Variants in UNC80 observed in about 807,000 individuals in gnomAD.
UNC80 encodes the protein unc-80 subunit of NALCN channel complex.
A neutral mutation model predicts 384.6 loss-of-function variants in UNC80; 164 were observed. That is an observed-to-expected ratio of 0.43 (90% CI 0.38 to 0.49). The LOEUF (loss-of-function observed/expected upper bound fraction) is 0.49, where lower values mean the gene tolerates loss of function less well. Among genes scored for constraint, UNC80 ranks in the 20% least tolerant of loss-of-function variants. The pLI is 0.00. For synonymous variants in UNC80, 1,486 were observed against 1,527.8 expected, an observed-to-expected ratio of 0.97 and a Z score of 0.64; for missense variants, 3,330 against 4,143.0, an observed-to-expected ratio of 0.80 and a Z score of 5.39.
intron 4 of UNC80, among the ~76,000 whole-genome samples, chr2:209,781,075 G>A (rs967412805): frequency 2.0e-5 from 3 of 152,180 alleles, no homozygotes; most frequent in African/African-American, 7.2e-5. Flanking sequence ...AGTGTTGCAG[G>A]ATGGGGCTTG....
chr2:209,853,812 C>A (rs1338010594), intron 22 of UNC80, among the ~76,000 whole-genome samples: 2 of 151,914 alleles, frequency 1.3e-5, no homozygotes, highest in Admixed American at 1.3e-4. Context: ...AATACCAATG[C>A]CAGTTTGCTT....
At chr2:209,979,512 G>A (rs927091685) in intron 59 of UNC80, among the ~76,000 whole-genome samples, 10 of 152,184 alleles carry the variant, frequency 6.6e-5, no homozygotes, top group Non-Finnish European at 1.5e-4. Context: ...GCTGTCTTGA[G>A]GGAAAGTACT....
At chr2:209,812,889 C>G (rs1221317415) in intron 7 of UNC80, among the ~76,000 whole-genome samples, 1 of 152,052 alleles carries the variant, frequency 6.6e-6, no homozygotes, top group Non-Finnish European at 1.5e-5. Context: ...ATTATGTGTT[C>G]AAATTGAATA....
chr2:209,785,641 G>A (rs1474925009), intron 4 of UNC80, among the ~76,000 whole-genome samples: 2 of 152,156 alleles, frequency 1.3e-5, no homozygotes, highest in Non-Finnish European at 2.9e-5. Context: ...ACAATAGAAT[G>A]TCAAAATAGC....
At chr2:209,799,450 A>G (rs2078393496) in intron 7 of UNC80, among the ~76,000 whole-genome samples, 1 of 152,206 alleles carries the variant, frequency 6.6e-6, no homozygotes, top group Non-Finnish European at 1.5e-5. Flanking sequence ...GAAGTTGCTT[A>G]GCAGTTCAAG....
At chr2:209,965,211 C>G (rs2092708747) in intron 51 of UNC80, among the ~76,000 whole-genome samples, 1 of 151,982 alleles carries the variant, frequency 6.6e-6, no homozygotes, top group African/African-American at 2.4e-5. Context: ...CTGAGGCAGG[C>G]AGATTGCTTG....
At chr2:209,920,953 G>A (rs1203226038) in intron 33 of UNC80, among the ~76,000 whole-genome samples, 1 of 151,792 alleles carries the variant, frequency 6.6e-6, no homozygotes, top group African/African-American at 2.4e-5. Flanking sequence ...TCAGCCTCCT[G>A]AGTAGCTGGG....
rs879405779 is a variant in UNC80, at chr2:209,984,895, C to T, written c.9297C>T (p.Ala3099=). ...TCGATGACTCCCAGGGCCTGGCCGC[C>T]GAGGGCAGCCTCTCTAGGTACAGTG... ...NVLDDSQGLA[A]EGSLSRVASI... is the part of the protein sequence containing the mutation. The change falls in exon 61 of 65, where the codon GCC becomes GCT. Residue 3099 remains alanine (A), a synonymous_variant. Transcript: ENST00000673920. The T allele has an allele frequency of 5.0e-5, 77 of 1,550,836 alleles. No individual in the cohort carries two copies. Among genetic ancestry groups the T allele is most frequent in the Non-Finnish European group, 6.3e-5 (72 of 1,146,678 alleles).
Position 209,954,093 on chromosome 2 carries a change from C to G in UNC80, c.7287-7C>G, listed in dbSNP as rs1205551790. On this transcript the variant is annotated splice_region_variant and splice_polypyrimidine_tract_variant and intron_variant, in intron 47 of 64. Coordinates refer to ENST00000673920, the MANE Select transcript of UNC80 (RefSeq NM_001371986.1). ...AGGTGACTCGGTTTTCTTTCTGTCG[C>G]TTAAAGTCTTCAGATGCTGATGGTC... The G allele has an allele frequency of 1.3e-6, 2 of 1,544,782 alleles. No homozygotes were observed. Among genetic ancestry groups the G allele is most frequent in the East Asian group, 2.4e-5 (1 of 40,904 alleles).
At position 209,937,544 on chromosome 2, in the gene UNC80, A is replaced by G. The variant is rs2091333731; in HGVS notation, c.6379A>G (p.Ile2127Val). Residue 2127 changes from isoleucine (I) to valine (V), a missense_variant, in exon 42 of 65, where the codon ATT becomes GTT. This residue lies in a region of UNC80 where 1,049 missense variants were observed against 1,488.6 expected (regional missense o/e 0.70). Coordinates refer to ENST00000673920, the MANE Select transcript of UNC80 (RefSeq NM_001371986.1). ...ATCCACACAGACCTATGTTCGAGAT[A>G]TTTATCCTTTCCGGAGGTCAGTATC... is the stretch of plus-strand genomic sequence containing the variant. Reference protein sequence around the residue: ...IHYNKTYVRDIYPFRRSVSPQ... With the variant: ...IHYNKTYVRDVYPFRRSVSPQ... 6.4e-7 allele frequency: 1 copy of G among 1,551,074 alleles called. No homozygotes were observed.
intron 26 of UNC80, among the ~76,000 whole-genome samples, chr2:209,891,206 G>A: frequency 6.6e-6 from 1 of 152,056 alleles, no homozygotes; most frequent in Non-Finnish European, 1.5e-5. Flanking sequence ...AGATCAAAAC[G>A]TTTTCACAAC....
intron 56 of UNC80, among the ~76,000 whole-genome samples, chr2:209,975,842 C>T (rs1253275783): frequency 1.3e-5 from 2 of 152,068 alleles, no homozygotes; most frequent in African/African-American, 4.8e-5. Context: ...ATTCAGTGGA[C>T]CACATTGCTC....
At chr2:209,801,689 C>CTTTTTTT (rs56931388) in intron 7 of UNC80, among the ~76,000 whole-genome samples, 1 of 115,136 alleles carries the variant, frequency 8.7e-6, no homozygotes, top group African/African-American at 3.4e-5. Context: ...CCAACCCCTG[C>CTTTTTTT]TTTTTTTTTT....
At chr2:209,956,561 C>CT (rs59776009) in intron 48 of UNC80, among the ~76,000 whole-genome samples, 8,344 of 149,822 alleles carry the variant, frequency 0.056, 496 homozygotes, top group South Asian at 0.14. Flanking sequence ...ATCTTGAATC[C>CT]TTTTTTTTTT....
chr2:209,878,674 A>G (rs1034417260), intron 24 of UNC80, among the ~76,000 whole-genome samples: 3 of 152,242 alleles, frequency 2.0e-5, no homozygotes, highest in Non-Finnish European at 4.4e-5. Flanking sequence ...AAGTAGAGAC[A>G]AAAAGATTCC....
At chr2:209,871,567 T>C (rs142672372) in intron 22 of UNC80, among the ~76,000 whole-genome samples, 23 of 152,296 alleles carry the variant, frequency 1.5e-4, no homozygotes, top group Non-Finnish European at 2.2e-4. Flanking sequence ...GGTTACTGAG[T>C]AACCTATGGT....
At chr2:209,825,750 G>A (rs1374762813) in intron 13 of UNC80, among the ~76,000 whole-genome samples, 157 bp from the exon 14 acceptor site, 1 of 152,252 alleles carries the variant, frequency 6.6e-6, no homozygotes, top group African/African-American at 2.4e-5. Context: ...AGAAAACTGA[G>A]CGTGTTTGTT....
At chr2:209,844,939 G>T (rs2082070987) in intron 21 of UNC80, among the ~76,000 whole-genome samples, 1 of 151,830 alleles carries the variant, frequency 6.6e-6, no homozygotes, top group African/African-American at 2.4e-5. Flanking sequence ...TCTGTCTGCT[G>T]CGAACTGAAT....
chr2:209,982,559 T>C, intron 60 of UNC80: 1 of 368,518 alleles, frequency 2.7e-6, no homozygotes, highest in Non-Finnish European at 4.8e-6. Flanking sequence ...AAATTTTCCA[T>C]AGACACATGG....
Sources: allele counts gnomAD v4.1 joint callset (sites outside exome capture counted in the v4.1 genomes callset), GRCh38; gene constraint gnomAD v4.1.1; regional missense constraint gnomAD v4.1.1; transcripts MANE v1.5; gene names NCBI Gene and HGNC (gene_info 2026-07-23, HGNC 2026-07-21).